The following SEMA6D variants were observed in gnomAD, a reference collection of about 807,000 sequenced individuals.
The protein encoded by SEMA6D is semaphorin-6D.
SEMA6D carries 35 observed loss-of-function variants against 106.6 expected under a neutral mutation model. That is an observed-to-expected ratio of 0.33 (90% CI 0.25 to 0.44). The LOEUF is 0.44. SEMA6D is among the 20% of genes least tolerant of loss of function. The pLI is 1.00. For missense variants in SEMA6D, 1,185 were observed against 1,345.9 expected (o/e 0.88, Z 1.87); for synonymous variants, 499 against 487.7 (o/e 1.02, Z -0.31).
intron 3 of SEMA6D, among the ~76,000 whole-genome samples, chr15:47,475,110 A>G (rs2042966769): frequency 6.6e-6 from 1 of 152,188 alleles, no homozygotes; most frequent in Non-Finnish European, 1.5e-5. Context: ...CTTGCATAAT[A>G]GAGCCTGACC....
At chr15:47,628,067 C>T (rs1488036390) in intron 4 of SEMA6D, among the ~76,000 whole-genome samples, 1 of 152,010 alleles carries the variant, frequency 6.6e-6, no homozygotes, top group Non-Finnish European at 1.5e-5. Flanking sequence ...TAGCCTACCC[C>T]TCTGCTAATC....
chr15:47,276,924 AG>A (rs2034845297), intron 1 of SEMA6D, among the ~76,000 whole-genome samples: 1 of 152,164 alleles, frequency 6.6e-6, no homozygotes, highest in Admixed American at 6.6e-5. Flanking sequence ...TCATGGGAGG[AG>A]GTCAAGTTAC....
At chr15:47,651,267 A>G (rs560337940) in intron 4 of SEMA6D, among the ~76,000 whole-genome samples, 37 of 152,058 alleles carry the variant, frequency 2.4e-4, no homozygotes, top group Non-Finnish European at 4.3e-4. Flanking sequence ...AGCCAGGCAT[A>G]GTGACATGTG....
intron 4 of SEMA6D, among the ~76,000 whole-genome samples, chr15:47,613,926 C>T (rs2076959313): frequency 1.3e-5 from 2 of 152,132 alleles, no homozygotes; most frequent in African/African-American, 2.4e-5. Context: ...GGATTACAAG[C>T]GTGAGCCACC....
rs2041506061 is a variant in SEMA6D, at chr15:47,431,069, A to AT, written c.-159+18604dup. Among the ~76,000 whole-genome samples the AT allele has an allele frequency of 2.6e-5, 4 of 152,172 alleles. No individual in the cohort carries two copies. The South Asian group carries it at 6.2e-4, about 24-fold the overall frequency. On this transcript the variant is annotated intron_variant, in intron 2 of 19. Coordinates refer to the SEMA6D transcript ENST00000558014. ...ACACTCTCTTGTTGATTCAAATAAG[A>AT]TTTTTTTCTCATTTAGATTGAAATA... is the stretch of plus-strand genomic sequence containing the variant.
At chr15:47,415,095 G>A (rs901502926) in intron 2 of SEMA6D, among the ~76,000 whole-genome samples, 1 of 152,170 alleles carries the variant, frequency 6.6e-6, no homozygotes, top group Non-Finnish European at 1.5e-5. Flanking sequence ...GCACTTGTCT[G>A]ATTTGAACAT....
intron 3 of SEMA6D, among the ~76,000 whole-genome samples, chr15:47,504,496 GA>G (rs1596177456): frequency 1.3e-5 from 2 of 152,278 alleles, no homozygotes; most frequent in East Asian, 3.9e-4. Flanking sequence ...TGCTCTGATA[GA>G]AAAGCAGGAG....
intron 1 of SEMA6D, among the ~76,000 whole-genome samples, chr15:47,354,156 A>G (rs955970905): frequency 1.4e-5 from 2 of 147,892 alleles, no homozygotes; most frequent in South Asian, 4.2e-4. Flanking sequence ...GAAAGAGCTT[A>G]TATATATGGA....
chr15:47,564,968 A>G (rs1596326921), intron 3 of SEMA6D, among the ~76,000 whole-genome samples: 1 of 152,138 alleles, frequency 6.6e-6, no homozygotes, highest in African/African-American at 2.4e-5. Context: ...GATTACCTAT[A>G]TCCCCCATTC....
At chr15:47,237,325 TC>T (rs1295486589) in intron 1 of SEMA6D, among the ~76,000 whole-genome samples, 1 of 152,164 alleles carries the variant, frequency 6.6e-6, no homozygotes, top group Non-Finnish European at 1.5e-5. Context: ...CAATAGTTAT[TC>T]CACTTAAATG....
chr15:47,386,270 G>C (rs1891431035), intron 1 of SEMA6D, among the ~76,000 whole-genome samples: 2 of 152,104 alleles, frequency 1.3e-5, no homozygotes, highest in Non-Finnish European at 1.5e-5. Flanking sequence ...ACTGGGGGTA[G>C]GGACTTGGGG....
chr15:47,641,533 G>C (rs1566953891), intron 4 of SEMA6D, among the ~76,000 whole-genome samples: 1 of 152,168 alleles, frequency 6.6e-6, no homozygotes, highest in Non-Finnish European at 1.5e-5. Flanking sequence ...TTTTGGTGAG[G>C]CTTGGATCCA....
At chr15:47,761,104 T>TC in intron 4 of SEMA6D, 54 bp from the exon 5 acceptor site, 2 of 1,611,446 alleles carry the variant, frequency 1.2e-6, no homozygotes, top group Non-Finnish European at 1.7e-6. Flanking sequence ...TCCCACTGCC[T>TC]CCCCAAAAAT....
At chr15:47,319,163 C>A (rs1336553485) in intron 1 of SEMA6D, among the ~76,000 whole-genome samples, 2 of 152,136 alleles carry the variant, frequency 1.3e-5, no homozygotes. Flanking sequence ...TTGGTTCTTT[C>A]TTAAGATTTC....
At chr15:47,312,394 T>C (rs2036486509) in intron 1 of SEMA6D, among the ~76,000 whole-genome samples, 1 of 152,214 alleles carries the variant, frequency 6.6e-6, no homozygotes, top group African/African-American at 2.4e-5. Flanking sequence ...TCCTTTCTTT[T>C]TACATGTTTA....
At chr15:47,480,024 A>AT (rs11419122) in intron 3 of SEMA6D, among the ~76,000 whole-genome samples, 7,568 of 142,158 alleles carry the variant, frequency 0.053, 498 homozygotes, top group African/African-American at 0.16. Flanking sequence ...CACCTGATTA[A>AT]TTTTTTTTTT....
intron 1 of SEMA6D, among the ~76,000 whole-genome samples, chr15:47,736,025 T>C (rs1290109218): frequency 3.3e-5 from 5 of 152,338 alleles, no homozygotes; most frequent in Non-Finnish European, 5.9e-5. Flanking sequence ...GAGCTATCTT[T>C]GGGCCTCTTA....
At chr15:47,571,252 C>G (rs1460050803) in intron 3 of SEMA6D, among the ~76,000 whole-genome samples, 3 of 152,018 alleles carry the variant, frequency 2.0e-5, no homozygotes, top group African/African-American at 7.3e-5. Context: ...GCTGTACTCA[C>G]TCTGTAACTG....
chr15:47,602,893 A>C (rs1158709186), intron 4 of SEMA6D, among the ~76,000 whole-genome samples: 2 of 152,142 alleles, frequency 1.3e-5, no homozygotes, highest in Admixed American at 6.6e-5. Flanking sequence ...AACATCACTA[A>C]GAATTACAGA....
Sources: gnomAD v4.1 joint callset for allele counts (sites outside exome capture counted in the v4.1 genomes callset) on GRCh38, gnomAD v4.1.1 for gene constraint, MANE v1.5 for transcripts, NCBI Gene and HGNC (gene_info 2026-07-23, HGNC 2026-07-21) for gene names.